Variants in ARHGAP24 observed in about 807,000 individuals in gnomAD.
ARHGAP24 encodes the protein Rho GTPase activating protein 24, also known as rho GTPase-activating protein 24.
A neutral mutation model predicts 76.4 loss-of-function variants in ARHGAP24; 50 were observed. The observed-to-expected ratio is 0.65, with a 90% CI of 0.52 to 0.83. The LOEUF (loss-of-function observed/expected upper bound fraction) is 0.83, where lower values mean the gene tolerates loss of function less well. Among genes scored for constraint, ARHGAP24 ranks in the 40% least tolerant of loss-of-function variants. ARHGAP24 has a pLI of 0.00. For synonymous variants in ARHGAP24, 345 were observed against 323.3 expected, an observed-to-expected ratio of 1.07 and a Z score of -0.72; for missense variants, 930 against 914.2, an observed-to-expected ratio of 1.02 and a Z score of -0.22.
intron 3 of ARHGAP24, among the ~76,000 whole-genome samples, chr4:85,773,673 T>C (rs1468687529): frequency 1.3e-5 from 2 of 152,212 alleles, no homozygotes; most frequent in African/African-American, 4.8e-5. Flanking sequence ...TTCTTCTTTG[T>C]ACCCAAGCAT....
At chr4:85,617,403 C>G (rs1321568905) in intron 2 of ARHGAP24, among the ~76,000 whole-genome samples, 1 of 151,916 alleles carries the variant, frequency 6.6e-6, no homozygotes, top group Non-Finnish European at 1.5e-5. Context: ...ACTTACGTAT[C>G]CTTCCGGAGA....
At chr4:85,667,702 G>T (rs926324669) in intron 2 of ARHGAP24, among the ~76,000 whole-genome samples, 6 of 152,126 alleles carry the variant, frequency 3.9e-5, no homozygotes, top group Non-Finnish European at 7.4e-5. Context: ...TTATTTTACT[G>T]ATCAGTAAGC....
chr4:85,989,145 T>G (rs1166534972), intron 8 of ARHGAP24, among the ~76,000 whole-genome samples: 1 of 151,468 alleles, frequency 6.6e-6, no homozygotes, highest in African/African-American at 2.4e-5. Context: ...TTGATAAAAC[T>G]CATCGTACTG....
chr4:85,623,383 G>C (rs1343605864), intron 2 of ARHGAP24, among the ~76,000 whole-genome samples: 1 of 152,092 alleles, frequency 6.6e-6, no homozygotes, highest in South Asian at 2.1e-4. Context: ...TTTTTGTCAG[G>C]TTTGTCAAAG....
At chr4:85,757,902 C>T (rs982655945) in intron 3 of ARHGAP24, among the ~76,000 whole-genome samples, 11 of 152,084 alleles carry the variant, frequency 7.2e-5, no homozygotes, top group African/African-American at 1.9e-4. Flanking sequence ...TTTTAATGAT[C>T]GCCATTCTAA....
intron 5 of ARHGAP24, among the ~76,000 whole-genome samples, chr4:85,967,462 G>A (rs1738685770): frequency 6.6e-6 from 1 of 152,092 alleles, no homozygotes; most frequent in South Asian, 2.1e-4. Context: ...GTCAATCATA[G>A]GAAGCCTCAT....
At chr4:85,903,272 C>T (rs1734600754) in intron 3 of ARHGAP24, among the ~76,000 whole-genome samples, 1 of 152,100 alleles carries the variant, frequency 6.6e-6, no homozygotes, top group African/African-American at 2.4e-5. Flanking sequence ...AAAAAATTTT[C>T]TGATAAATGC....
intron 2 of ARHGAP24, among the ~76,000 whole-genome samples, chr4:85,699,463 G>A (rs948254816): frequency 8.5e-5 from 13 of 152,104 alleles, no homozygotes. Flanking sequence ...TTAGCCAGAT[G>A]TGGTGGTGCC....
chr4:85,615,324 G>C (rs1374393040), intron 2 of ARHGAP24, among the ~76,000 whole-genome samples: 1 of 151,708 alleles, frequency 6.6e-6, no homozygotes, highest in Non-Finnish European at 1.5e-5. Flanking sequence ...TTCTTTATCT[G>C]TAAGTCATGT....
rs192059370 is a variant in ARHGAP24 at position 85,662,031 on chromosome 4, C to T, written c.181-59854C>T. The stretch of plus-strand genomic sequence containing the variant: ...GATTTGTAGTCCTTTGGGTATATAC[C>T]CAGTAATGGGTTGGTTGGTCAAGTG... On this transcript the variant is annotated intron_variant, in intron 2 of 9. Coordinates refer to ENST00000395184, the MANE Select transcript of ARHGAP24 (RefSeq NM_001025616.3). Among the ~76,000 whole-genome samples, 4 of 152,180 alleles carry T rather than the reference C, an allele frequency of 2.6e-5. No individual in the cohort carries two copies. The East Asian group carries it at 7.7e-4, about 29-fold the overall frequency.
At chr4:85,902,434 T>C (rs560143598) in intron 3 of ARHGAP24, among the ~76,000 whole-genome samples, 1 of 152,228 alleles carries the variant, frequency 6.6e-6, no homozygotes, top group East Asian at 1.9e-4. Context: ...CCCCATTCCA[T>C]TGCAAATTGA....
intron 1 of ARHGAP24, among the ~76,000 whole-genome samples, chr4:85,498,457 AAGG>A (rs1723668702): frequency 6.6e-6 from 1 of 152,328 alleles, no homozygotes; most frequent in East Asian, 1.9e-4. Context: ...TTAATGGAAA[AAGG>A]AGGAGAGCCC....
chr4:85,755,989 A>G (rs537252487), intron 3 of ARHGAP24, among the ~76,000 whole-genome samples: 7 of 152,190 alleles, frequency 4.6e-5, no homozygotes, highest in Admixed American at 2.6e-4. Context: ...GCTATTGTTC[A>G]TGTCCCCCTC....
At chr4:85,673,090 G>A (rs186707154) in intron 2 of ARHGAP24, among the ~76,000 whole-genome samples, 1 of 152,290 alleles carries the variant, frequency 6.6e-6, no homozygotes, top group Admixed American at 6.5e-5. Flanking sequence ...TGGAGAGAAG[G>A]CTTTCCCTTA....
intron 3 of ARHGAP24, among the ~76,000 whole-genome samples, chr4:85,731,265 G>T (rs898250842): frequency 4.5e-4 from 69 of 152,176 alleles, no homozygotes; most frequent in Non-Finnish European, 3.1e-4. Flanking sequence ...AAGAAGAAAT[G>T]GGGTTATAGG....
At chr4:85,562,533 TA>T (rs11347341) in intron 1 of ARHGAP24, among the ~76,000 whole-genome samples, 40,497 of 152,066 alleles carry the variant, frequency 0.27, 6,612 homozygotes, top group East Asian at 0.79. Context: ...CATGGAGATT[TA>T]GACTTTTATG....
intron 2 of ARHGAP24, among the ~76,000 whole-genome samples, chr4:85,692,210 A>G (rs1373255587): frequency 6.6e-6 from 1 of 152,182 alleles, no homozygotes; most frequent in Admixed American, 6.5e-5. Context: ...CTAGCCTGAC[A>G]GGGTTCCCTC....
At chr4:85,569,913 T>C (rs1727012315) in intron 1 of ARHGAP24, among the ~76,000 whole-genome samples, 1 of 152,228 alleles carries the variant, frequency 6.6e-6, no homozygotes, top group African/African-American at 2.4e-5. Flanking sequence ...TGCAGGGGCC[T>C]GTCCTAGGCT....
At chr4:85,717,349 G>A (rs994523387) in intron 2 of ARHGAP24, among the ~76,000 whole-genome samples, 6 of 152,004 alleles carry the variant, frequency 3.9e-5, no homozygotes, top group South Asian at 2.1e-4. Flanking sequence ...CTGCCAACAC[G>A]TTTCTTGACC....
Sources: gnomAD v4.1 joint callset for allele counts (sites outside exome capture counted in the v4.1 genomes callset) on GRCh38, gnomAD v4.1.1 for gene constraint, MANE v1.5 for transcripts, NCBI Gene and HGNC (gene_info 2026-07-23, HGNC 2026-07-21) for gene names.